The following FASTKD1 variants were observed in gnomAD, a reference collection of about 807,000 sequenced individuals.
The protein encoded by FASTKD1 is FAST kinase domain-containing protein 1, mitochondrial.
FASTKD1 carries 94 observed loss-of-function variants against 90.9 expected under a neutral mutation model. The ratio of observed to expected loss-of-function variants is 1.03; its 90% confidence interval spans 0.88 to 1.23. FASTKD1 has a LOEUF of 1.23. Among genes scored for constraint, FASTKD1 ranks in the 50% most tolerant of loss-of-function variants. The probability of loss-of-function intolerance (pLI) is 0.00; values close to 1 mark genes in which losing one functional copy is unlikely to be tolerated. For synonymous variants in FASTKD1, 319 were observed against 345.8 expected, an observed-to-expected ratio of 0.92 and a Z score of 0.86; for missense variants, 945 against 993.5, an observed-to-expected ratio of 0.95 and a Z score of 0.66.
intron 6 of FASTKD1, among the ~76,000 whole-genome samples, 171 bp downstream of exon 6, chr2:169,557,014 CAA>C (rs11289947): frequency 7.4e-5 from 11 of 148,722 alleles, no homozygotes; most frequent in Admixed American, 6.7e-5. Flanking sequence ...CTCAAAAAAA[CAA>C]AAAAAAAAAG....
intron 7 of FASTKD1, 81 bp downstream of exon 7, chr2:169,555,043 G>T: frequency 7.5e-7 from 1 of 1,332,940 alleles, no homozygotes. Context: ...ATAACTTCTA[G>T]CACCACTGTA....
At chr2:169,573,022 T>C (rs963264538) in intron 1 of FASTKD1, 1 of 152,200 alleles carries the variant, frequency 6.6e-6, no homozygotes, top group Non-Finnish European at 1.5e-5. Context: ...ATTTCCATTT[T>C]ACAGATAAGG....
At chr2:169,558,270 G>A (rs1193312277) in intron 5 of FASTKD1, among the ~76,000 whole-genome samples, 2 of 152,086 alleles carry the variant, frequency 1.3e-5, no homozygotes, top group South Asian at 2.1e-4. Flanking sequence ...GTGTTTCTTC[G>A]TCTGTTTTGA....
chr2:169,544,940 G>T, intron 8 of FASTKD1, 105 bp from the exon 9 acceptor site: 2 of 610,896 alleles, frequency 3.3e-6, no homozygotes, highest in Non-Finnish European at 5.7e-6. Flanking sequence ...CATCGCTACA[G>T]TTAAATAATA....
intron 12 of FASTKD1, among the ~76,000 whole-genome samples, chr2:169,534,183 C>CAAAAAA (rs71003097): frequency 2.2e-5 from 1 of 46,322 alleles, no homozygotes; most frequent in African/African-American, 9.6e-5. Context: ...GACCCTTTCT[C>CAAAAAA]AAAAAAAAAA....
intron 1 of FASTKD1, 53 bp from the exon 2 acceptor site, chr2:169,572,224 G>T: frequency 4.2e-6 from 2 of 476,336 alleles, no homozygotes; most frequent in Non-Finnish European, 6.8e-6. Context: ...ATATCAAAAT[G>T]ATTCCAAAAT....
At chr2:169,551,375 A>C (rs1000889564) in intron 7 of FASTKD1, among the ~76,000 whole-genome samples, 5 of 152,134 alleles carry the variant, frequency 3.3e-5, no homozygotes, top group African/African-American at 9.7e-5. Flanking sequence ...ACTGGAAATA[A>C]ATCGAATATC....
chr2:169,561,822 T>TTAATTTATTGTAAA (rs1683648576), intron 4 of FASTKD1, among the ~76,000 whole-genome samples: 1 of 119,716 alleles, frequency 8.4e-6, no homozygotes, highest in Admixed American at 8.4e-5. Context: ...TTGTAAATTA[T>TTAATTTATTGTAAA]TTATTAATTT....
Position 169,572,092 on chromosome 2 carries a change from C to G in FASTKD1, c.-63G>C. ...GCAACTAGTCGTCAGGTGCAATAAGCAGGGATACAAATAACAGTTTTTCCT... is the reference window on the plus strand; with the variant it reads ...GCAACTAGTCGTCAGGTGCAATAAGGAGGGATACAAATAACAGTTTTTCCT... On this transcript the variant is annotated 5_prime_UTR_variant, in exon 2 of 15. Coordinates refer to ENST00000453153, the MANE Select transcript of FASTKD1 (RefSeq NM_024622.6). 1 of 1,512,238 alleles carries G rather than the reference C, an allele frequency of 6.6e-7. No individual in the cohort carries two copies. Among genetic ancestry groups the G allele is most frequent in the East Asian group, 2.3e-5 (1 of 43,994 alleles). The allele number at this position is 1,512,238 out of a possible 1,614,324, so 93.7% of individuals were successfully genotyped here.
chr2:169,536,984 G>A (rs1345935322), intron 12 of FASTKD1: 2 of 343,474 alleles, frequency 5.8e-6, no homozygotes, highest in African/African-American at 2.2e-5. Context: ...ATTGGTGGAG[G>A]ACTGACCTTA....
chr2:169,535,987 T>C lies in FASTKD1; in HGVS notation c.2188+1240A>G, dbSNP rs570505247. Among the ~76,000 whole-genome samples, 20 of 151,636 alleles carry C rather than the reference T, an allele frequency of 1.3e-4. No homozygotes were observed. The South Asian group carries it at 2.1e-3, about 16-fold the overall frequency. On this transcript the variant is annotated intron_variant, in intron 12 of 14. Transcript: ENST00000453153. Reference sequence around the variant, plus strand: ...TCCTTTTTTTTTTTTTCAAGTAAGATTTATTGGGCTGGGCACAGTGGCTCA... The same window carrying C: ...TCCTTTTTTTTTTTTTCAAGTAAGACTTATTGGGCTGGGCACAGTGGCTCA...
At chr2:169,572,953 G>C (rs1297991965) in intron 1 of FASTKD1, 1 of 152,100 alleles carries the variant, frequency 6.6e-6, no homozygotes, top group Admixed American at 6.6e-5. Context: ...CATTTACAAA[G>C]AACGTTTGAA....
At chr2:169,572,924 T>C (rs1684295691) in intron 1 of FASTKD1, 1 of 152,218 alleles carries the variant, frequency 6.6e-6, no homozygotes, top group Non-Finnish European at 1.5e-5. Context: ...TATAATCTAA[T>C]ATTTCTGCAA....
chr2:169,563,221 T>G lies in FASTKD1; in HGVS notation c.572+4A>C, dbSNP rs779937360. On this transcript the variant is annotated splice_donor_region_variant and intron_variant, in intron 4 of 14. Coordinates refer to ENST00000453153, the MANE Select transcript of FASTKD1 (RefSeq NM_024622.6). ...ACAACACAAGATTCCCTAAATAAAT[T>G]TACCTTAAGTCCTGTGTGGTTTCCA... is the stretch of plus-strand genomic sequence containing the variant. The G allele has an allele frequency of 1.6e-5, 26 of 1,608,236 alleles. No individual in the cohort carries two copies. Among genetic ancestry groups the G allele is most frequent in the Non-Finnish European group, 2.1e-5 (25 of 1,178,460 alleles).
chr2:169,530,057 G>A, intron 14 of FASTKD1, 131 bp from the exon 15 acceptor site: 1 of 654,232 alleles, frequency 1.5e-6, no homozygotes, highest in Non-Finnish European at 2.6e-6. Flanking sequence ...GATAGCCTGT[G>A]AACCTCTACT....
chr2:169,560,705 AG>A lies in FASTKD1; in HGVS notation c.652del (p.Leu218PhefsTer6). 6.2e-7 allele frequency: 1 copy of A among 1,609,996 alleles called. No individual in the cohort carries two copies. Among genetic ancestry groups the A allele is most frequent in the South Asian group, 1.1e-5 (1 of 89,658 alleles). On this transcript the variant is annotated frameshift_variant, in exon 5 of 15. Transcript: ENST00000453153. LOFTEE classifies it high-confidence loss of function. ...FQQQLVNKTE[L>X]LFDTIDSSEV... is the part of the protein sequence containing the mutation. ...AGAAGAATCTATGGTGTCAAAAAGA[AG>A]TTCTGTTTTGTTCACCAGTTGTTGT...
chr2:169,566,636 TG>T (rs1683999520), intron 3 of FASTKD1, among the ~76,000 whole-genome samples: 1 of 152,040 alleles, frequency 6.6e-6, no homozygotes, highest in Admixed American at 6.6e-5. Context: ...GGCTTGAGCC[TG>T]GAAGTCTGAG....
At chr2:169,565,972 G>A (rs1162424109) in intron 3 of FASTKD1, among the ~76,000 whole-genome samples, 2 of 152,062 alleles carry the variant, frequency 1.3e-5, no homozygotes, top group Non-Finnish European at 2.9e-5. Context: ...CATTTGCACG[G>A]GTCTTTTGAG....
Position 169,560,972 on chromosome 2 carries a change from T to C in FASTKD1, c.573-187A>G, listed in dbSNP as rs1683570215. Among the ~76,000 whole-genome samples, 3 of 145,230 alleles carry C rather than the reference T, an allele frequency of 2.1e-5. No individual in the cohort carries two copies. The Admixed American group carries it at 2.1e-4, about 10-fold the overall frequency. On this transcript the variant is annotated intron_variant, in intron 4 of 14. Coordinates refer to ENST00000453153, the MANE Select transcript of FASTKD1 (RefSeq NM_024622.6). The stretch of plus-strand genomic sequence containing the variant: ...TGCTGGGATTACAGGCATGAGCCAC[T>C]GCACCCAGCCACATAAGTGTATTTT...
Sources: gnomAD v4.1 joint callset for allele counts (sites outside exome capture counted in the v4.1 genomes callset) on GRCh38, gnomAD v4.1.1 for gene constraint, MANE v1.5 for transcripts, NCBI Gene and HGNC (gene_info 2026-07-23, HGNC 2026-07-21) for gene names.